CSMD1: variants seen among roughly 807,000 people sequenced by gnomAD.
CSMD1 encodes the protein CUB and Sushi multiple domains 1.
CSMD1 carries 213 observed loss-of-function variants against 417.5 expected under a neutral mutation model. The ratio of observed to expected loss-of-function variants is 0.51; its 90% confidence interval spans 0.46 to 0.57. The LOEUF (loss-of-function observed/expected upper bound fraction) is 0.57, where lower values mean the gene tolerates loss of function less well. Ranked by LOEUF, CSMD1 falls within the 20% of genes least tolerant of loss-of-function variation. CSMD1 has a pLI of 0.00. For synonymous variants in CSMD1, 2,862 were observed against 1,736.8 expected (o/e 1.65, Z -16.11); for missense variants, 6,923 against 4,529.7 (o/e 1.53, Z -15.17).
intron 5 of CSMD1, among the ~76,000 whole-genome samples, chr8:3,796,349 T>C (rs1352176523): frequency 2.5e-5 from 3 of 120,120 alleles, no homozygotes; most frequent in Non-Finnish European, 3.5e-5. Context: ...TATATATCTA[T>C]CATGTATAGA....
chr8:3,475,219 T>C (rs1817337319), intron 11 of CSMD1, among the ~76,000 whole-genome samples: 1 of 152,180 alleles, frequency 6.6e-6, no homozygotes, highest in African/African-American at 2.4e-5. Context: ...CATCACAGAA[T>C]CCTTCACGCA....
intron 1 of CSMD1, among the ~76,000 whole-genome samples, chr8:4,770,643 G>C (rs1342509088): frequency 6.6e-6 from 1 of 151,972 alleles, no homozygotes; most frequent in African/African-American, 2.4e-5. Context: ...AGAATAGAGA[G>C]CTGAAATAAA....
At chr8:4,262,342 C>A (rs911408176) in intron 3 of CSMD1, among the ~76,000 whole-genome samples, 1 of 152,136 alleles carries the variant, frequency 6.6e-6, no homozygotes, top group Non-Finnish European at 1.5e-5. Flanking sequence ...TTCATTTCTG[C>A]AATCTGGGAT....
chr8:4,158,064 T>C (rs1796935735), intron 3 of CSMD1, among the ~76,000 whole-genome samples: 1 of 149,764 alleles, frequency 6.7e-6, no homozygotes, highest in Admixed American at 6.7e-5. Context: ...CTACCCCTGC[T>C]TCCCCATTAC....
intron 6 of CSMD1, among the ~76,000 whole-genome samples, chr8:3,743,941 A>T (rs903851284): frequency 2.0e-5 from 3 of 152,116 alleles, no homozygotes; most frequent in African/African-American, 7.2e-5. Context: ...AAAATTGGAG[A>T]ATCACTGACC....
chr8:3,981,215 C>G (rs1014740005), intron 5 of CSMD1, among the ~76,000 whole-genome samples: 10 of 152,136 alleles, frequency 6.6e-5, no homozygotes, highest in African/African-American at 2.4e-4. Context: ...AAAGAACATG[C>G]AATTATTCTA....
intron 2 of CSMD1, among the ~76,000 whole-genome samples, chr8:4,428,073 TTCATA>T (rs1797666871): frequency 6.6e-6 from 1 of 152,166 alleles, no homozygotes; most frequent in South Asian, 2.1e-4. Context: ...ATGTCTCGTT[TTCATA>T]TCAGACAATA....
At chr8:3,928,639 AC>A (rs1232266407) in intron 5 of CSMD1, among the ~76,000 whole-genome samples, 1 of 149,622 alleles carries the variant, frequency 6.7e-6, no homozygotes, top group Non-Finnish European at 1.5e-5. Flanking sequence ...ATAAGAGTAT[AC>A]ATGACAATAA....
At chr8:3,502,852 A>G (rs1796664958) in intron 10 of CSMD1, among the ~76,000 whole-genome samples, 1 of 152,164 alleles carries the variant, frequency 6.6e-6, no homozygotes, top group East Asian at 1.9e-4. Flanking sequence ...AACGTGCACT[A>G]TGGACTTTGG....
Position 4,565,712 on chromosome 8 carries a change from G to C in CSMD1, c.302+71630C>G, listed in dbSNP as rs1298765419. 2.7e-5 allele frequency among the ~76,000 whole-genome samples: 4 copies of C among 146,994 alleles called. No homozygotes were observed. In the East Asian group the frequency reaches 6.0e-4, roughly 22 times the overall value. ...ATTGTGCCATTGCACTCCAGCCTGG[G>C]TGACAGCGCAACACTCCACCTTAAA... On this transcript the variant is annotated intron_variant, in intron 2 of 69. Transcript: ENST00000635120.
intron 2 of CSMD1, among the ~76,000 whole-genome samples, chr8:4,636,838 G>A (rs759081580): frequency 4.6e-4 from 70 of 152,140 alleles, no homozygotes; most frequent in Non-Finnish European, 2.5e-4. Flanking sequence ...TGCATTGAGT[G>A]GGGACTTGGA....
At chr8:4,742,413 C>G (rs1023208795) in intron 1 of CSMD1, among the ~76,000 whole-genome samples, 1 of 152,000 alleles carries the variant, frequency 6.6e-6, no homozygotes, top group East Asian at 1.9e-4. Context: ...AATAAATGTC[C>G]TACTCTGGTC....
At chr8:4,062,743 A>T (rs1211673509) in intron 3 of CSMD1, among the ~76,000 whole-genome samples, 1 of 152,092 alleles carries the variant, frequency 6.6e-6, no homozygotes, top group African/African-American at 2.4e-5. Context: ...TCAAAAAAAA[A>T]AAAAGGCAGG....
intron 2 of CSMD1, among the ~76,000 whole-genome samples, chr8:4,420,862 G>C (rs1246593651): frequency 6.6e-6 from 1 of 152,150 alleles, no homozygotes; most frequent in Non-Finnish European, 1.5e-5. Context: ...ACAAACTCCT[G>C]TGCTGTGAAG....
chr8:2,972,285 T>C (rs904610496), intron 57 of CSMD1, among the ~76,000 whole-genome samples: 1 of 152,222 alleles, frequency 6.6e-6, no homozygotes, highest in Non-Finnish European at 1.5e-5. Context: ...ATTGATAGTG[T>C]GTATGTGAGC....
Position 3,964,994 on chromosome 8 carries a change from C to T in CSMD1, c.818+32909G>A, listed in dbSNP as rs545634736. Among the ~76,000 whole-genome samples the T allele has an allele frequency of 1.5e-4, 23 of 152,220 alleles. No homozygotes were observed. The South Asian group carries it at 1.7e-3, about 11-fold the overall frequency. The stretch of plus-strand genomic sequence containing the variant: ...GAGTCACAGCAAACTCTCTAGGCCA[C>T]GGTTTTTTCTGTGTATAAAGTAGGT... On this transcript the variant is annotated intron_variant, in intron 5 of 69. Coordinates refer to ENST00000635120, the MANE Select transcript of CSMD1 (RefSeq NM_033225.6).
chr8:3,455,627 G>C (rs1028387637), intron 12 of CSMD1, among the ~76,000 whole-genome samples: 2 of 152,208 alleles, frequency 1.3e-5, no homozygotes, highest in African/African-American at 2.4e-5. Context: ...CAGAACAGTG[G>C]ATATTGCTGA....
chr8:4,135,371 AAAGTGG>A (rs1160661608), intron 3 of CSMD1, among the ~76,000 whole-genome samples: 2 of 44,292 alleles, frequency 4.5e-5, no homozygotes, highest in African/African-American at 2.0e-4. Context: ...AAGGAAGGGG[AAAGTGG>A]GAAAGAGGGG....
At chr8:3,405,224 G>T (rs1244708169) in intron 15 of CSMD1, among the ~76,000 whole-genome samples, 1 of 152,046 alleles carries the variant, frequency 6.6e-6, no homozygotes, top group Non-Finnish European at 1.5e-5. Context: ...ATACACTAGA[G>T]GTAAGTTTTT....
Sources: allele counts gnomAD v4.1 joint callset (sites outside exome capture counted in the v4.1 genomes callset), GRCh38; gene constraint gnomAD v4.1.1; transcripts MANE v1.5; gene names NCBI Gene and HGNC (gene_info 2026-07-23, HGNC 2026-07-21).